TMEM132D: variants seen among roughly 807,000 people sequenced by gnomAD.
TMEM132D encodes the protein mature OL transmembrane protein.
In TMEM132D, 21 loss-of-function variants were observed where a neutral mutation model predicts 62.3. The ratio of observed to expected loss-of-function variants is 0.34; its 90% CI spans 0.24 to 0.49. The LOEUF (loss-of-function observed/expected upper bound fraction) is 0.49, where lower values mean the gene tolerates loss of function less well. Among genes scored for constraint, TMEM132D ranks in the 20% least tolerant of loss-of-function variants. The probability of loss-of-function intolerance (pLI) is 0.99; values close to 1 mark genes in which losing one functional copy is unlikely to be tolerated. For synonymous variants in TMEM132D, 621 were observed against 575.6 expected, an observed-to-expected ratio of 1.08 and a Z score of -1.13; for missense variants, 1,346 against 1,402.8, an observed-to-expected ratio of 0.96 and a Z score of 0.65.
chr12:129,888,812 T>C (rs564447469), intron 1 of TMEM132D, among the ~76,000 whole-genome samples: 1 of 152,314 alleles, frequency 6.6e-6, no homozygotes, highest in African/African-American at 2.4e-5. Context: ...TTCCATAATA[T>C]AACTCTTCCC....
At chr12:129,488,902 C>T (rs575308577) in intron 3 of TMEM132D, among the ~76,000 whole-genome samples, 1 of 152,250 alleles carries the variant, frequency 6.6e-6, no homozygotes. Context: ...CCTGGCCAGC[C>T]TGCCTGGGTG....
chr12:129,125,198 AT>A (rs1876177527), intron 5 of TMEM132D, among the ~76,000 whole-genome samples: 1 of 152,216 alleles, frequency 6.6e-6, no homozygotes, highest in African/African-American at 2.4e-5. Context: ...GTACTTTAAT[AT>A]TTGAAACATT....
intron 1 of TMEM132D, among the ~76,000 whole-genome samples, chr12:129,834,103 G>T (rs2137337015): frequency 6.6e-6 from 1 of 152,214 alleles, no homozygotes; most frequent in Non-Finnish European, 1.5e-5. Flanking sequence ...TAACCGAGTG[G>T]CCCAGACTTG....
At chr12:129,815,886 C>T (rs1396214766) in intron 1 of TMEM132D, among the ~76,000 whole-genome samples, 1 of 152,144 alleles carries the variant, frequency 6.6e-6, no homozygotes, top group Non-Finnish European at 1.5e-5. Flanking sequence ...CGTATGAATT[C>T]AATGTAAGTG....
At chr12:129,154,542 G>T (rs115772513) in intron 5 of TMEM132D, among the ~76,000 whole-genome samples, 126 of 152,290 alleles carry the variant, frequency 8.3e-4, no homozygotes, top group African/African-American at 2.7e-3. Flanking sequence ...TTTGGCGATT[G>T]AGTACAAATC....
At chr12:129,570,259 A>G (rs1407061562) in intron 2 of TMEM132D, among the ~76,000 whole-genome samples, 1 of 152,226 alleles carries the variant, frequency 6.6e-6, no homozygotes, top group Non-Finnish European at 1.5e-5. Context: ...CGGTTGGTCA[A>G]TTCCATAGCT....
chr12:129,347,948 G>GA (rs533315839), intron 3 of TMEM132D, among the ~76,000 whole-genome samples: 1 of 152,038 alleles, frequency 6.6e-6, no homozygotes, highest in Non-Finnish European at 1.5e-5. Context: ...CAACAAACAT[G>GA]AAAAAAACCT....
intron 1 of TMEM132D, among the ~76,000 whole-genome samples, chr12:129,750,097 T>G (rs1355762168): frequency 6.6e-6 from 1 of 152,092 alleles, no homozygotes; most frequent in Non-Finnish European, 1.5e-5. Flanking sequence ...TTTTATTTAT[T>G]TATTTTGAGA....
intron 5 of TMEM132D, among the ~76,000 whole-genome samples, chr12:129,180,225 A>G (rs915761724): frequency 2.0e-5 from 3 of 151,548 alleles, no homozygotes; most frequent in Non-Finnish European, 4.4e-5. Context: ...GAGGAGGAGG[A>G]GGAGGAGGAG....
chr12:129,850,627 G>A (rs190383265), intron 1 of TMEM132D, among the ~76,000 whole-genome samples: 8 of 152,252 alleles, frequency 5.3e-5, no homozygotes, highest in African/African-American at 1.9e-4. Context: ...TTATACATAT[G>A]TCTTCTATAG....
chr12:129,337,921 A>G (rs1869346785), intron 3 of TMEM132D, 104 bp from the exon 4 acceptor site: 11 of 1,226,074 alleles, frequency 9.0e-6, no homozygotes, highest in Non-Finnish European at 1.1e-5. Context: ...GTACCTCCAC[A>G]TGGAACCAAG....
At chr12:129,522,995 G>A (rs1323696083) in intron 3 of TMEM132D, among the ~76,000 whole-genome samples, 26 of 151,906 alleles carry the variant, frequency 1.7e-4, no homozygotes, top group Admixed American at 1.7e-3. Context: ...ATAGATGTAT[G>A]TAGACATAGA....
intron 2 of TMEM132D, among the ~76,000 whole-genome samples, chr12:129,561,173 C>T (rs1877216524): frequency 6.6e-6 from 1 of 152,130 alleles, no homozygotes; most frequent in East Asian, 1.9e-4. Flanking sequence ...TAAGGTGGAA[C>T]GTAAAAACAT....
intron 4 of TMEM132D, among the ~76,000 whole-genome samples, chr12:129,297,301 C>A (rs1445899824): frequency 6.6e-6 from 1 of 152,216 alleles, no homozygotes; most frequent in Non-Finnish European, 1.5e-5. Flanking sequence ...TCCTGACCCC[C>A]ACAGGCCTTC....
At chr12:129,190,160 A>G in intron 5 of TMEM132D, among the ~76,000 whole-genome samples, 1 of 69,126 alleles carries the variant, frequency 1.4e-5, no homozygotes, top group Non-Finnish European at 3.0e-5. Flanking sequence ...AGGCCTGCAG[A>G]TGGAGGGAGG....
chr12:129,083,062 T>C (rs1874504947), intron 6 of TMEM132D, among the ~76,000 whole-genome samples: 1 of 152,160 alleles, frequency 6.6e-6, no homozygotes, highest in Admixed American at 6.5e-5. Flanking sequence ...ACTTTGGGGA[T>C]AAGTTTTAAA....
chr12:129,664,421 ATT>A (rs34308998), intron 2 of TMEM132D, among the ~76,000 whole-genome samples: 3,003 of 114,140 alleles, frequency 0.026, 76 homozygotes, highest in African/African-American at 0.092. Flanking sequence ...AATTACAAGA[ATT>A]TTTTTTTTTT....
intron 4 of TMEM132D, among the ~76,000 whole-genome samples, chr12:129,284,174 T>G (rs547733576): frequency 6.6e-6 from 1 of 152,186 alleles, no homozygotes; most frequent in Non-Finnish European, 1.5e-5. Flanking sequence ...TGAAGATCCA[T>G]CTACATCATC....
intron 4 of TMEM132D, among the ~76,000 whole-genome samples, chr12:129,216,399 G>A (rs1879202191): frequency 6.6e-6 from 1 of 152,182 alleles, no homozygotes; most frequent in Admixed American, 6.5e-5. Flanking sequence ...GGTCTTAATG[G>A]ATTAAGGTGG....
Sources: gnomAD v4.1 joint callset for allele counts (sites outside exome capture counted in the v4.1 genomes callset) on GRCh38, gnomAD v4.1.1 for gene constraint, MANE v1.5 for transcripts, NCBI Gene and HGNC (gene_info 2026-07-23, HGNC 2026-07-21) for gene names.